Variants in ADAM18 observed in about 807,000 individuals in gnomAD.
ADAM18 encodes disintegrin and metalloproteinase domain-containing protein 18.
ADAM18 carries 117 observed loss-of-function variants against 94.4 expected under a neutral mutation model. The ratio of observed to expected loss-of-function variants is 1.24; its 90% CI spans 1.07 to 1.45. The LOEUF (loss-of-function observed/expected upper bound fraction) is 1.45. ADAM18 is among the 40% of genes most tolerant of loss of function. The pLI, the probability that ADAM18 is intolerant of heterozygous loss-of-function variation, is 0.00. For synonymous variants in ADAM18, 327 were observed against 291.6 expected (o/e 1.12, Z -1.24); for missense variants, 936 against 880.0 (o/e 1.06, Z -0.81).
rs2129457909 is a variant in ADAM18 at position 39,586,544 on chromosome 8, C to A, written c.132+1192C>A. Among the ~76,000 whole-genome samples, 3 of 152,192 alleles carry A rather than the reference C, an allele frequency of 2.0e-5. No individual in the cohort carries two copies. In the South Asian group the frequency reaches 6.2e-4, roughly 32 times the overall value. Reference sequence around the variant, plus strand: ...CCTAGGAGTTTGAGGCTGGCTTGGGCAAGTTGGTGAGACCCCATCTCTACA... The same window carrying A: ...CCTAGGAGTTTGAGGCTGGCTTGGGAAAGTTGGTGAGACCCCATCTCTACA... On this transcript the variant is annotated intron_variant, in intron 2 of 19. Transcript: ENST00000265707.
intron 15 of ADAM18, 119 bp from the exon 16 acceptor site, chr8:39,679,918 G>T: frequency 2.2e-6 from 2 of 899,062 alleles, no homozygotes; most frequent in Non-Finnish European, 3.4e-6. Flanking sequence ...GTTTCAGTTT[G>T]GCATTTTTCA....
chr8:39,700,540 A>C (rs1194533775), intron 17 of ADAM18, among the ~76,000 whole-genome samples: 2 of 152,192 alleles, frequency 1.3e-5, no homozygotes, highest in Admixed American at 1.3e-4. Context: ...TTCTTAAACA[A>C]TTATGAAATC....
chr8:39,698,230 T>A (rs539181071), intron 17 of ADAM18, among the ~76,000 whole-genome samples: 1 of 152,026 alleles, frequency 6.6e-6, no homozygotes, highest in African/African-American at 2.4e-5. Context: ...ATTGTGTTCC[T>A]GACTTACTCA....
intron 2 of ADAM18, among the ~76,000 whole-genome samples, chr8:39,601,186 C>A (rs1327637846): frequency 6.6e-6 from 1 of 152,200 alleles, no homozygotes; most frequent in Non-Finnish European, 1.5e-5. Context: ...TAATCACCTC[C>A]CACCATGCCC....
intron 12 of ADAM18, among the ~76,000 whole-genome samples, chr8:39,659,204 G>C (rs1820766736): frequency 6.6e-6 from 1 of 152,028 alleles, no homozygotes; most frequent in East Asian, 1.9e-4. Flanking sequence ...AAGTTCCCTT[G>C]CTATTAGATT....
intron 13 of ADAM18, among the ~76,000 whole-genome samples, chr8:39,665,863 T>C (rs1033468459): frequency 6.6e-6 from 1 of 152,132 alleles, no homozygotes; most frequent in African/African-American, 2.4e-5. Context: ...TAGTCTTTTA[T>C]CTTTTAGAGT....
At position 39,607,463 on chromosome 8, in the gene ADAM18, C is replaced by T. The variant is rs79860413; in HGVS notation, c.188+1101C>T. Among the ~76,000 whole-genome samples, 523 of 152,304 alleles carry T rather than the reference C, an allele frequency of 3.4e-3. 5 individuals carry two copies. The highest frequency in any genetic ancestry group is 0.012 in the African/African-American group (503 of 41,570). ...TATTCTCACTTAATTCATGACTACC[C>T]TACTTAATTCACGTTTACTTTTCTT... On this transcript the variant is annotated intron_variant, in intron 3 of 19. Coordinates refer to ENST00000265707, the MANE Select transcript of ADAM18 (RefSeq NM_014237.3).
At chr8:39,719,631 A>T (rs1455049561) in intron 18 of ADAM18, among the ~76,000 whole-genome samples, 1 of 151,424 alleles carries the variant, frequency 6.6e-6, no homozygotes, top group East Asian at 1.9e-4. Flanking sequence ...CCAACTCTAT[A>T]AAAAAGGGGG....
chr8:39,662,970 A>G (rs549024903), intron 12 of ADAM18, among the ~76,000 whole-genome samples: 13 of 152,320 alleles, frequency 8.5e-5, no homozygotes, highest in Admixed American at 7.8e-4. Flanking sequence ...TAAAAATAAT[A>G]GGTATAGTCT....
intron 12 of ADAM18, among the ~76,000 whole-genome samples, chr8:39,658,038 CATAGG>C (rs1820734909): frequency 6.6e-6 from 1 of 152,160 alleles, no homozygotes; most frequent in Admixed American, 6.5e-5. Flanking sequence ...AATCAAAACA[CATAGG>C]GAATTGTTTC....
chr8:39,663,947 T>A, intron 13 of ADAM18, 57 bp downstream of exon 13: 2 of 1,123,666 alleles, frequency 1.8e-6, no homozygotes, highest in Non-Finnish European at 2.6e-6. Context: ...ACGTCTGTAT[T>A]AACTGAATCA....
At position 39,677,504 on chromosome 8, in the gene ADAM18, T is replaced by C; in HGVS notation, c.1599T>C (p.Phe533=). The C allele has an allele frequency of 6.2e-7, 1 of 1,610,352 alleles. No homozygotes were observed. Residue 533 remains phenylalanine (F), a synonymous_variant, in exon 15 of 20, where the codon TTT becomes TTC. Transcript: ENST00000265707. ...SLHERSENCG[F]KNSQPLPCER... ...ATGAAAGATCTGAAAACTGTGGTTT[T>C]AAAAATTCACAACCATTACCTTGTG...
intron 12 of ADAM18, among the ~76,000 whole-genome samples, chr8:39,657,437 G>A (rs757215622): frequency 2.0e-5 from 3 of 151,966 alleles, no homozygotes; most frequent in South Asian, 2.1e-4. Context: ...TCAGCCTCCC[G>A]AGTAGCCAGG....
At chr8:39,586,784 CT>C (rs1287300697) in intron 2 of ADAM18, among the ~76,000 whole-genome samples, 3 of 138,746 alleles carry the variant, frequency 2.2e-5, no homozygotes, top group Admixed American at 1.5e-4. Flanking sequence ...ATCTATCTAT[CT>C]ATCTATCTAT....
At chr8:39,727,760 T>A (rs1208179563) in intron 19 of ADAM18, among the ~76,000 whole-genome samples, 2 of 152,144 alleles carry the variant, frequency 1.3e-5, no homozygotes, top group African/African-American at 4.8e-5. Flanking sequence ...ATCTGAGCCC[T>A]CCGAACTCTC....
intron 2 of ADAM18, among the ~76,000 whole-genome samples, chr8:39,605,485 C>T (rs1742259453): frequency 6.6e-6 from 1 of 152,046 alleles, no homozygotes; most frequent in Non-Finnish European, 1.5e-5. Flanking sequence ...GAGAGAGATG[C>T]TAAATGTCTC....
At position 39,706,831 on chromosome 8, in the gene ADAM18, T is replaced by C. The variant is rs746047225; in HGVS notation, c.1944T>C (p.His648=). The change falls in exon 18 of 20, where the codon CAT becomes CAC. Residue 648 remains histidine, a synonymous_variant. Coordinates refer to ENST00000265707, the MANE Select transcript of ADAM18 (RefSeq NM_014237.3). The part of the protein sequence containing the change: ...NFGNCQCFPG[H]RPPDCKFQFG... ...GTAATTGTCAATGCTTCCCTGGACA[T>C]AGACCTCCAGATTGTAAATTCCAGT... The C allele has an allele frequency of 3.5e-5, 57 of 1,610,754 alleles. No individual in the cohort carries two copies. Among genetic ancestry groups the C allele is most frequent in the Non-Finnish European group, 4.7e-5 (55 of 1,177,766 alleles).
In ADAM18 at chr8:39,696,871, C is replaced by T. The variant is rs533316422; in HGVS notation, c.1902+4191C>T. Among the ~76,000 whole-genome samples the T allele has an allele frequency of 6.6e-5, 10 of 151,582 alleles. No individual in the cohort carries two copies. The East Asian group carries it at 1.5e-3, about 23-fold the overall frequency. Reference sequence around the variant, plus strand: ...GAAGTGCCTTGGGATTCCATATGAACTTTGTGATGCATTTTTCAATTTGTG... The same window carrying T: ...GAAGTGCCTTGGGATTCCATATGAATTTTGTGATGCATTTTTCAATTTGTG... On this transcript the variant is annotated intron_variant, in intron 17 of 19. Coordinates refer to ENST00000265707, the MANE Select transcript of ADAM18 (RefSeq NM_014237.3).
At chr8:39,704,023 A>G (rs934359971) in intron 17 of ADAM18, among the ~76,000 whole-genome samples, 2 of 152,178 alleles carry the variant, frequency 1.3e-5, no homozygotes, top group Non-Finnish European at 2.9e-5. Flanking sequence ...AAGAAATTGA[A>G]TCATTGAAAA....
Sources: gnomAD v4.1 joint callset for allele counts (sites outside exome capture counted in the v4.1 genomes callset) on GRCh38, gnomAD v4.1.1 for gene constraint, MANE v1.5 for transcripts, NCBI Gene and HGNC (gene_info 2026-07-23, HGNC 2026-07-21) for gene names.